Variants in CLEC2D observed in about 807,000 individuals in gnomAD.
CLEC2D encodes C-type lectin related f.
A neutral mutation model predicts 20.0 loss-of-function variants in CLEC2D; 16 were observed. The ratio of observed to expected loss-of-function variants is 0.80; its 90% confidence interval spans 0.54 to 1.22. The LOEUF (loss-of-function observed/expected upper bound fraction) is 1.22. CLEC2D is among the 50% of genes most tolerant of loss of function. CLEC2D has a pLI of 0.00. For missense variants in CLEC2D, 207 were observed against 221.5 expected (o/e 0.93, Z 0.42); for synonymous variants, 77 against 71.1 (o/e 1.08, Z -0.42).
At chr12:9,681,764 A>C (rs762842429) in intron 2 of CLEC2D, among the ~76,000 whole-genome samples, 1 of 152,240 alleles carries the variant, frequency 6.6e-6, no homozygotes, top group East Asian at 1.9e-4. Context: ...CTTAAGAGTC[A>C]GCAATACTTG....
At chr12:9,672,811 G>C (rs776254845) in intron 1 of CLEC2D, among the ~76,000 whole-genome samples, 4 of 151,804 alleles carry the variant, frequency 2.6e-5, no homozygotes, top group Admixed American at 6.6e-5. Flanking sequence ...TTCAGCAAGA[G>C]AGTCTTCAAG....
intron 1 of CLEC2D, among the ~76,000 whole-genome samples, chr12:9,670,575 T>C (rs755759409): frequency 2.1e-4 from 32 of 152,256 alleles, no homozygotes; most frequent in Non-Finnish European, 4.3e-4. Flanking sequence ...CATGTCCTCC[T>C]TGGCTTGTGT....
In CLEC2D at chr12:9,696,710, C is replaced by T. The variant is rs1259699183; in HGVS notation, c.*1836C>T. 6.3e-6 allele frequency: 1 copy of T among 158,244 alleles called. No individual in the cohort carries two copies. Among genetic ancestry groups the T allele is most frequent in the South Asian group, 2.0e-4 (1 of 5,020 alleles). 9.8% of individuals were successfully genotyped at this position (158,244 alleles called of 1,614,324 possible). ...GCTATATCAAAAAGACAAGAAATAACAAGCATTGGTGAGAGTGTGGAGAAG... is the reference window on the plus strand; with the variant it reads ...GCTATATCAAAAAGACAAGAAATAATAAGCATTGGTGAGAGTGTGGAGAAG... On this transcript the variant is annotated 3_prime_UTR_variant, in exon 5 of 5. Coordinates refer to ENST00000290855, the MANE Select transcript of CLEC2D (RefSeq NM_013269.6).
chr12:9,669,926 C>T, intron 1 of CLEC2D, 131 bp downstream of exon 1: 2 of 588,052 alleles, frequency 3.4e-6, no homozygotes, highest in Middle Eastern at 5.2e-4. Flanking sequence ...TGTGGGAGTC[C>T]ATAAATTGGC....
chr12:9,682,153 T>C (rs944631769), intron 2 of CLEC2D, among the ~76,000 whole-genome samples: 4 of 152,198 alleles, frequency 2.6e-5, no homozygotes, highest in African/African-American at 9.6e-5. Context: ...GTGGAGCCAA[T>C]AGCTGGAGCC....
intron 2 of CLEC2D, among the ~76,000 whole-genome samples, chr12:9,683,325 TTTTG>T (rs1865678744): frequency 7.6e-5 from 3 of 39,564 alleles, no homozygotes; most frequent in African/African-American, 1.6e-4. Context: ...ATAGTTTGTT[TTTTG>T]TGTTTGTTTT....
At chr12:9,672,035 A>G (rs969955665) in intron 1 of CLEC2D, among the ~76,000 whole-genome samples, 3 of 152,132 alleles carry the variant, frequency 2.0e-5, no homozygotes, top group Admixed American at 2.0e-4. Context: ...CTATTACAGA[A>G]TACCCAAGAC....
chr12:9,671,436 G>A (rs7969441), intron 1 of CLEC2D, among the ~76,000 whole-genome samples: 142,454 of 151,810 alleles, frequency 0.94, 67,231 homozygotes, highest in East Asian at 1. Context: ...TAGCCAGGAT[G>A]GTCTCGATCT....
Position 9,697,218 on chromosome 12 carries a change from G to T in CLEC2D, c.*2344G>T, listed in dbSNP as rs1034861064. The T allele has an allele frequency of 2.6e-5, 4 of 152,068 alleles. No homozygotes were observed. The highest frequency in any genetic ancestry group is 5.9e-5 in the Non-Finnish European group (4 of 68,028). 9.4% of individuals were successfully genotyped at this position (152,068 alleles called of 1,614,324 possible). The stretch of plus-strand genomic sequence containing the variant: ...ATAACACCCACGCTGGAAGGTTGTG[G>T]GTTTATGGGAATGAGGGCAAGGAAC... On this transcript the variant is annotated 3_prime_UTR_variant, in exon 5 of 5. Coordinates refer to ENST00000290855, the MANE Select transcript of CLEC2D (RefSeq NM_013269.6).
intron 3 of CLEC2D, among the ~76,000 whole-genome samples, chr12:9,690,092 G>A (rs1158727135): frequency 1.3e-5 from 2 of 151,888 alleles, no homozygotes; most frequent in Non-Finnish European, 2.9e-5. Context: ...TCCACAGAGA[G>A]AATTTTGAAA....
At chr12:9,690,544 T>C (rs1865840945) in intron 3 of CLEC2D, among the ~76,000 whole-genome samples, 1 of 152,056 alleles carries the variant, frequency 6.6e-6, no homozygotes, top group Non-Finnish European at 1.5e-5. Context: ...TATAACTTCA[T>C]AGGCAAATGA....
At chr12:9,677,707 C>CTTTTT (rs36120151) in intron 1 of CLEC2D, among the ~76,000 whole-genome samples, 94 of 122,300 alleles carry the variant, frequency 7.7e-4, no homozygotes, top group Non-Finnish European at 1.0e-3. Flanking sequence ...TTCTTTCTTT[C>CTTTTT]TTTTTTTTTT....
chr12:9,691,134 C>G (rs1459679153), intron 3 of CLEC2D, among the ~76,000 whole-genome samples: 2 of 151,892 alleles, frequency 1.3e-5, no homozygotes, highest in Non-Finnish European at 2.9e-5. Flanking sequence ...ATATTTTTGT[C>G]AAACAAAATA....
At chr12:9,677,685 G>T (rs1865549476) in intron 1 of CLEC2D, among the ~76,000 whole-genome samples, 1 of 147,436 alleles carries the variant, frequency 6.8e-6, no homozygotes, top group Non-Finnish European at 1.5e-5. Context: ...TCTGCCTGCT[G>T]GATCTGGGCA....
intron 2 of CLEC2D, among the ~76,000 whole-genome samples, chr12:9,684,653 C>T (rs1018143434): frequency 4.6e-5 from 7 of 152,096 alleles, no homozygotes; most frequent in African/African-American, 1.7e-4. Flanking sequence ...TGGTTTTTGT[C>T]ATTGGTTCTG....
At chr12:9,683,322 GTTTTTTGTGTTTGTTTTTT>G (rs1865677974) in intron 2 of CLEC2D, among the ~76,000 whole-genome samples, 1 of 80,880 alleles carries the variant, frequency 1.2e-5, no homozygotes, top group African/African-American at 6.2e-5. Context: ...ATGATAGTTT[GTTTTTTGTGTTTGTTTTTT>G]TTTTTTTTTT....
intron 3 of CLEC2D, among the ~76,000 whole-genome samples, chr12:9,691,512 A>G (rs754141876): frequency 7.4e-4 from 112 of 152,200 alleles, no homozygotes; most frequent in Admixed American, 5.0e-3. Flanking sequence ...GTTAGGCCAC[A>G]AAACAAGTGT....
intron 1 of CLEC2D, among the ~76,000 whole-genome samples, chr12:9,674,451 T>G (rs2120895930): frequency 6.6e-6 from 1 of 152,324 alleles, no homozygotes; most frequent in African/African-American, 2.4e-5. Context: ...TGAGATGAAC[T>G]TGGTACCTCA....
chr12:9,690,067 GTCA>G (rs1439377509), intron 3 of CLEC2D, among the ~76,000 whole-genome samples: 3 of 152,000 alleles, frequency 2.0e-5, no homozygotes, highest in Non-Finnish European at 2.9e-5. Flanking sequence ...ACAAAATATA[GTCA>G]AGTTGACAAA....
Sources: gnomAD v4.1 joint callset for allele counts (sites outside exome capture counted in the v4.1 genomes callset) on GRCh38, gnomAD v4.1.1 for gene constraint, MANE v1.5 for transcripts, NCBI Gene and HGNC (gene_info 2026-07-23, HGNC 2026-07-21) for gene names.